SAMD4B: variants seen among roughly 807,000 people sequenced by gnomAD.
SAMD4B encodes the protein sterile alpha motif domain containing 4B, also known as protein Smaug homolog 2.
Under a neutral mutation model 74.5 loss-of-function variants are expected in SAMD4B, and 5 were observed. The observed-to-expected ratio is 0.07, with a 90% CI of 0.04 to 0.14. The LOEUF (loss-of-function observed/expected upper bound fraction) is 0.14, where lower values mean the gene tolerates loss of function less well. Ranked by LOEUF, SAMD4B falls within the 10% of genes least tolerant of loss-of-function variation. SAMD4B has a pLI of 1.00. For synonymous variants in SAMD4B, 373 were observed against 374.9 expected, an observed-to-expected ratio of 1.00 and a Z score of 0.06; for missense variants, 608 against 921.8, an observed-to-expected ratio of 0.66 and a Z score of 4.41.
chr19:39,362,257 G>A (rs776751861), intron 3 of SAMD4B, among the ~76,000 whole-genome samples: 15 of 152,190 alleles, frequency 9.9e-5, no homozygotes, highest in Admixed American at 2.0e-4. Context: ...AAGCTCCCTG[G>A]TTGACTCTTG....
rs1041517603 is a variant in SAMD4B, at chr19:39,384,096, C to T, written c.*569C>T. 6 of 291,742 alleles carry T rather than the reference C, an allele frequency of 2.1e-5. No individual in the cohort carries two copies. The highest frequency in any genetic ancestry group is 5.8e-5 in the East Asian group (1 of 17,098). 18.1% of individuals were successfully genotyped at this position (291,742 alleles called of 1,614,324 possible). On this transcript the variant is annotated 3_prime_UTR_variant, in exon 14 of 14. Coordinates refer to ENST00000610417, the MANE Select transcript of SAMD4B (RefSeq NM_001384574.2). The stretch of plus-strand genomic sequence containing the variant: ...GCAAGGACAGGAGCCACCTTCCTCT[C>T]TCTCACCTCCCCTGGCCCTGTTCAC...
chr19:39,388,631 C>T (rs2078306204), downstream of SAMD4B: 1 of 1,614,146 alleles, frequency 6.2e-7, no homozygotes. Context: ...CTTCTACAGG[C>T]AGGAAATAGG....
intron 11 of SAMD4B, 88 bp from the exon 12 acceptor site, chr19:39,380,902 G>T: frequency 6.6e-7 from 1 of 1,524,714 alleles, no homozygotes. Flanking sequence ...GGGGGTGGGA[G>T]TGGGAGAAGG....
chr19:39,381,196 GTTC>G lies in SAMD4B; in HGVS notation c.1972+88_1972+90del. On this transcript the variant is annotated intron_variant, in intron 12 of 13. Coordinates refer to ENST00000610417, the MANE Select transcript of SAMD4B (RefSeq NM_001384574.2). ...TTTTCTCCTGGGTCTCATGTCCACTGTTCTTCTAGACTGCATTGGCACCTCTCC... is the reference window on the plus strand; with the variant it reads ...TTTTCTCCTGGGTCTCATGTCCACTGTTCTAGACTGCATTGGCACCTCTCC... 3 of 1,478,940 alleles carry G rather than the reference GTTC, an allele frequency of 2.0e-6. No individual in the cohort carries two copies. In the African/African-American group the frequency reaches 4.2e-5, roughly 21 times the overall value. 91.6% of individuals were successfully genotyped at this position (1,478,940 alleles called of 1,614,324 possible). A position where few individuals can be genotyped will look rare whatever the true frequency, so the allele number is the denominator to read the frequency against.
At chr19:39,386,135 G>A (rs777296344), downstream of SAMD4B, 100 of 1,613,956 alleles carry the variant, frequency 6.2e-5, no homozygotes, top group East Asian at 1.8e-4. This position sits in a 1 kb window ranked among gnomAD's most constrained non-coding sequence, Gnocchi z 6.1. Context: ...CATTGCTGCC[G>A]CTGTCTGAAT....
At chr19:39,388,553 C>G, downstream of SAMD4B, 1 of 1,613,628 alleles carries the variant, frequency 6.2e-7, no homozygotes. Flanking sequence ...AACCGCAACC[C>G]ACGCACACAT....
At chr19:39,389,991 G>T, downstream of SAMD4B, 1 of 1,232,462 alleles carries the variant, frequency 8.1e-7, no homozygotes, top group Non-Finnish European at 1.2e-6. This position sits in a 1 kb window ranked among gnomAD's most constrained non-coding sequence, Gnocchi z 5.3. Context: ...GCCCTGAGCA[G>T]ACAGCAGCCA....
chr19:39,366,756 A>G (rs557095110), intron 3 of SAMD4B, among the ~76,000 whole-genome samples: 3 of 152,270 alleles, frequency 2.0e-5, no homozygotes, highest in East Asian at 3.9e-4. Context: ...CCAGAAGTCC[A>G]TGGAACTTTT....
At position 39,383,300 on chromosome 19, in the gene SAMD4B, T is replaced by G; in HGVS notation, c.2056+9T>G. On this transcript the variant is annotated intron_variant, in intron 13 of 13. Transcript: ENST00000610417. This position sits in a 1 kb window ranked among gnomAD's most constrained non-coding sequence, Gnocchi z 4.1. ...AGAACACGCCTTGGGTGGTGAGCAT[T>G]TCCTCTTTCCCTGACCCAGCTCCCA... The G allele has an allele frequency of 6.2e-7, 1 of 1,613,540 alleles. No homozygotes were observed. Among genetic ancestry groups the G allele is most frequent in the South Asian group, 1.1e-5 (1 of 91,044 alleles).
Position 39,378,735 on chromosome 19 carries a change from G to T in SAMD4B, c.1530+146G>T. 1 of 615,744 alleles carries T rather than the reference G, an allele frequency of 1.6e-6. No homozygotes were observed. The highest frequency in any genetic ancestry group is 2.8e-6 in the Non-Finnish European group (1 of 355,626). 38.1% of individuals were successfully genotyped at this position (615,744 alleles called of 1,614,324 possible). A position where few individuals can be genotyped will look rare whatever the true frequency, so the allele number is the denominator to read the frequency against. ...ATCCTGGCTAACACAGTGAAACCCA[G>T]TCTTTACTAAAAATACAAAAAATTA... On this transcript the variant is annotated intron_variant, in intron 9 of 13. Coordinates refer to ENST00000610417, the MANE Select transcript of SAMD4B (RefSeq NM_001384574.2). This position sits in a 1 kb window ranked among gnomAD's most constrained non-coding sequence, Gnocchi z 4.4.
chr19:39,388,879 G>A, downstream of SAMD4B: 1 of 1,612,126 alleles, frequency 6.2e-7, no homozygotes, highest in Non-Finnish European at 8.5e-7. Context: ...GGGAGATGGA[G>A]GCACTGGGGT....
In SAMD4B at chr19:39,380,652, C is replaced by G; in HGVS notation, c.1715C>G (p.Thr572Ser). 2 of 1,614,030 alleles carry G rather than the reference C, an allele frequency of 1.2e-6. No homozygotes were observed. Among genetic ancestry groups the G allele is most frequent in the Non-Finnish European group, 1.7e-6 (2 of 1,179,990 alleles). ...GTGGGGATGGGAGTGGCCCGGCGTA[C>G]CCAGCGGCAGTTCCCAATGCCTCCC... Reference protein sequence around the residue: ...GSVGMGVARRTQRQFPMPPRA... With the variant: ...GSVGMGVARRSQRQFPMPPRA... The change falls in exon 11 of 14, where the codon ACC (threonine) becomes AGC (serine). Residue 572 changes from threonine (T) to serine (S), a missense_variant. This residue lies in a region of SAMD4B where 167 missense variants were observed against 193.0 expected (regional missense o/e 0.87). Coordinates refer to ENST00000610417, the MANE Select transcript of SAMD4B (RefSeq NM_001384574.2).
intron 4 of SAMD4B, among the ~76,000 whole-genome samples, chr19:39,374,617 G>A (rs960014052): frequency 1.8e-4 from 28 of 152,134 alleles, no homozygotes; most frequent in African/African-American, 6.3e-4. Context: ...TGAGGTGGGC[G>A]GATCACGAGG....
intron 3 of SAMD4B, among the ~76,000 whole-genome samples, chr19:39,365,613 T>C (rs2076918197): frequency 6.6e-6 from 1 of 152,144 alleles, no homozygotes; most frequent in Admixed American, 6.5e-5. Flanking sequence ...TGTCGCTTAA[T>C]GGGCTCTGTC....
chr19:39,361,683 G>A (rs1392989560), intron 3 of SAMD4B, among the ~76,000 whole-genome samples: 1 of 151,270 alleles, frequency 6.6e-6, no homozygotes. Context: ...CAGCACTTTC[G>A]GAGGCCGAGG....
chr19:39,370,663 T>A (rs949887712), intron 4 of SAMD4B, among the ~76,000 whole-genome samples: 2 of 152,132 alleles, frequency 1.3e-5, no homozygotes, highest in African/African-American at 4.8e-5. Context: ...TCAGACAACA[T>A]TATGGATTTT....
chr19:39,377,401 G>A, intron 7 of SAMD4B, 84 bp from the exon 8 acceptor site: 3 of 1,242,290 alleles, frequency 2.4e-6, no homozygotes, highest in South Asian at 3.0e-5. Context: ...CCTTCTGCAA[G>A]CCCTGTCTGA....
downstream of SAMD4B, chr19:39,386,460 A>T: frequency 6.2e-7 from 1 of 1,614,048 alleles, no homozygotes; most frequent in Non-Finnish European, 8.5e-7. The surrounding 1 kb of genome is among the most constrained non-coding windows in gnomAD (Gnocchi z 6.1). Context: ...GGGCTCCCAG[A>T]GTCTGGCCTG....
Position 39,378,568 on chromosome 19 carries a change from C to G in SAMD4B, c.1509C>G (p.Ile503Met). 6.2e-7 allele frequency: 1 copy of G among 1,613,928 alleles called. No homozygotes were observed. Among genetic ancestry groups the G allele is most frequent in the Middle Eastern group, 1.7e-4 (1 of 6,042 alleles). The change falls in exon 9 of 14, where the codon ATC becomes ATG. Residue 503 changes from isoleucine to methionine, a missense_variant. Around this residue, in one of 9 missense-constraint regions of SAMD4B, gnomAD observed 27 missense variants for 48.6 expected, o/e 0.56. Transcript: ENST00000610417. The surrounding 1 kb of genome is among the most constrained non-coding windows in gnomAD (Gnocchi z 4.4). ...ACATCACCAGTTACCTCCAGCTCAT[C>G]GAAAAGTGCCTGACTCATGAGGTAA... ...EENITSYLQL[I>M]EKCLTHEAFT...
Sources: allele counts gnomAD v4.1 joint callset (sites outside exome capture counted in the v4.1 genomes callset), GRCh38; gene constraint gnomAD v4.1.1; regional missense constraint gnomAD v4.1.1; non-coding constraint Gnocchi (gnomAD v3.1); transcripts MANE v1.5; gene names NCBI Gene and HGNC (gene_info 2026-07-23, HGNC 2026-07-21).